NHSL1: variants seen among roughly 807,000 people sequenced by gnomAD.
NHSL1 encodes the protein NHS-like protein 1.
NHSL1 carries 48 observed loss-of-function variants against 95.0 expected under a neutral mutation model. That is an observed-to-expected ratio of 0.51 (90% CI 0.40 to 0.64). The LOEUF is 0.64. Among genes scored for constraint, NHSL1 ranks in the 30% least tolerant of loss-of-function variants. The probability of loss-of-function intolerance (pLI) is 0.00; values close to 1 mark genes in which losing one functional copy is unlikely to be tolerated. For synonymous variants in NHSL1, 783 were observed against 833.9 expected (o/e 0.94, Z 1.05); for missense variants, 1,971 against 2,077.7 (o/e 0.95, Z 1.00).
At chr6:138,605,884 G>A (rs886243862) in intron 1 of NHSL1, among the ~76,000 whole-genome samples, 2 of 152,216 alleles carry the variant, frequency 1.3e-5, no homozygotes, top group African/African-American at 2.4e-5. Context: ...TGGAAAGTGC[G>A]TGAGTACGAG....
At chr6:138,552,480 CT>C (rs1378742857) in intron 1 of NHSL1, among the ~76,000 whole-genome samples, 1 of 151,940 alleles carries the variant, frequency 6.6e-6, no homozygotes, top group Non-Finnish European at 1.5e-5. Flanking sequence ...GTTATTTCAA[CT>C]TTTTTTTCCT....
At chr6:138,540,281 C>T (rs1365705646) in intron 1 of NHSL1, among the ~76,000 whole-genome samples, 3 of 152,124 alleles carry the variant, frequency 2.0e-5, no homozygotes, top group South Asian at 2.1e-4. Context: ...GTAAAATGTC[C>T]AGAGTCACAC....
At chr6:138,575,560 TCTGTTATATTGGGC>T (rs1783957179), upstream of NHSL1, among the ~76,000 whole-genome samples, 1 of 151,976 alleles carries the variant, frequency 6.6e-6, no homozygotes, top group South Asian at 2.1e-4. Flanking sequence ...AGTCCATATT[TCTGTTATATTGGGC>T]CTTGATTATT....
At chr6:138,666,335 T>C (rs1394080110) in intron 1 of NHSL1, among the ~76,000 whole-genome samples, 1 of 151,754 alleles carries the variant, frequency 6.6e-6, no homozygotes, top group East Asian at 1.9e-4. Flanking sequence ...GCGCGGTGGC[T>C]CCCGCCTGTA....
chr6:138,484,702 GCT>G (rs1779619212), intron 2 of NHSL1, among the ~76,000 whole-genome samples: 1 of 152,072 alleles, frequency 6.6e-6, no homozygotes, highest in Non-Finnish European at 1.5e-5. Context: ...TAATATTCTT[GCT>G]CTGTGATTAA....
At chr6:138,555,995 C>T (rs550174565) in intron 1 of NHSL1, among the ~76,000 whole-genome samples, 1 of 152,044 alleles carries the variant, frequency 6.6e-6, no homozygotes, top group Admixed American at 6.5e-5. Context: ...CTCGGAGGTT[C>T]CTTCCAGCCC....
In NHSL1 at chr6:138,650,297, A is replaced by T. The variant is rs1785073251; in HGVS notation, c.96+42179T>A. ...AGCCTTGGAAGAGCTGGCCCTACAT[A>T]CTCAGGTACTTCCAGCAGTGAATCC... On this transcript the variant is annotated intron_variant, in intron 1 of 3. Transcript: ENST00000491526. 7.0e-6 allele frequency: 5 copies of T among 715,736 alleles called. No individual in the cohort carries two copies. The East Asian group carries it at 1.6e-4, about 23-fold the overall frequency. The allele number at this position is 715,736 out of a possible 1,614,324, so 44.3% of individuals were successfully genotyped here.
intron 1 of NHSL1, among the ~76,000 whole-genome samples, chr6:138,551,876 C>A (rs1783017809): frequency 6.6e-6 from 1 of 152,152 alleles, no homozygotes; most frequent in African/African-American, 2.4e-5. Flanking sequence ...TGAGTTTACT[C>A]CACTCCAGAG....
chr6:138,491,257 A>G (rs1397427633), intron 2 of NHSL1, among the ~76,000 whole-genome samples: 1 of 152,244 alleles, frequency 6.6e-6, no homozygotes, highest in Non-Finnish European at 1.5e-5. Flanking sequence ...ACACAGAGAC[A>G]GTAACTAAAG....
At chr6:138,464,842 A>G (rs1459902799) in intron 3 of NHSL1, among the ~76,000 whole-genome samples, 1 of 149,962 alleles carries the variant, frequency 6.7e-6, no homozygotes, top group Non-Finnish European at 1.5e-5. Context: ...CCTCTCTAGT[A>G]GCTGAGATTA....
intron 1 of NHSL1, among the ~76,000 whole-genome samples, chr6:138,637,768 C>T (rs1784906230): frequency 6.6e-6 from 1 of 152,142 alleles, no homozygotes; most frequent in African/African-American, 2.4e-5. Context: ...AACCCTCGTA[C>T]AGTTAGTAGG....
chr6:138,620,059 T>C (rs569936854), intron 1 of NHSL1, among the ~76,000 whole-genome samples: 2 of 152,022 alleles, frequency 1.3e-5, no homozygotes, highest in African/African-American at 4.8e-5. Context: ...TTAATTTTTT[T>C]TTAAAGATAC....
intron 3 of NHSL1, among the ~76,000 whole-genome samples, chr6:138,471,738 T>C (rs1583247412): frequency 1.3e-5 from 2 of 151,956 alleles, no homozygotes; most frequent in South Asian, 4.2e-4. Flanking sequence ...TAACTAAGAG[T>C]GTAAATTTCA....
intron 3 of NHSL1, among the ~76,000 whole-genome samples, chr6:138,461,556 G>A (rs1777999092): frequency 6.6e-6 from 1 of 152,184 alleles, no homozygotes; most frequent in South Asian, 2.1e-4. Context: ...TGAGTAAGAT[G>A]AGGCCTGAGA....
chr6:138,447,718 A>G (rs553327060), intron 3 of NHSL1, among the ~76,000 whole-genome samples: 1 of 152,314 alleles, frequency 6.6e-6, no homozygotes, highest in South Asian at 2.1e-4. Context: ...GGTTGCAGTG[A>G]GCCAAGATTG....
intron 1 of NHSL1, among the ~76,000 whole-genome samples, chr6:138,632,215 C>T (rs1562397714): frequency 6.6e-6 from 1 of 152,192 alleles, no homozygotes. Context: ...TATTAGAACA[C>T]CAGGTAGACT....
At chr6:138,472,750 G>C (rs1240586691) in intron 3 of NHSL1, among the ~76,000 whole-genome samples, 1 of 152,188 alleles carries the variant, frequency 6.6e-6, no homozygotes, top group Non-Finnish European at 1.5e-5. Context: ...AGAGATGGCA[G>C]AGGAAAAGGA....
intron 1 of NHSL1, among the ~76,000 whole-genome samples, chr6:138,566,293 G>C (rs571989056): frequency 6.6e-6 from 1 of 152,010 alleles, no homozygotes; most frequent in Non-Finnish European, 1.5e-5. Flanking sequence ...AGCTACCCAG[G>C]AGGCTGAGGC....
chr6:138,568,163 A>C (rs1011479012), intron 1 of NHSL1, among the ~76,000 whole-genome samples: 3 of 152,196 alleles, frequency 2.0e-5, no homozygotes, highest in African/African-American at 7.2e-5. Context: ...GACCATGCAA[A>C]ACATGAAAAT....
Sources: gnomAD v4.1 joint callset for allele counts (sites outside exome capture counted in the v4.1 genomes callset) on GRCh38, gnomAD v4.1.1 for gene constraint, MANE v1.5 for transcripts, NCBI Gene and HGNC (gene_info 2026-07-23, HGNC 2026-07-21) for gene names.